The following AHSG variants were observed in gnomAD, a reference collection of about 807,000 sequenced individuals.
AHSG encodes the protein alpha-2-HS-glycoprotein.
Under a neutral mutation model 30.1 loss-of-function variants are expected in AHSG, and 23 were observed. The observed-to-expected ratio is 0.76, with a 90% confidence interval of 0.55 to 1.08. The LOEUF is 1.08. Among genes scored for constraint, AHSG ranks in the 50% least tolerant of loss-of-function variants. AHSG has a pLI of 0.00. For synonymous variants in AHSG, 164 were observed against 186.3 expected, an observed-to-expected ratio of 0.88 and a Z score of 0.98; for missense variants, 469 against 459.5, an observed-to-expected ratio of 1.02 and a Z score of -0.19.
In AHSG at chr3:186,617,221, CTGCCCCCTG is replaced by C; in HGVS notation, c.445_453del (p.Cys149_Leu151del). ...AGGACGTGCGCAAGGTGTGCCAAGA[CTGCCCCCTG>C]CTGGCCCCGCTGAACGACACCAGGG... On this transcript the variant is annotated inframe_deletion, in exon 4 of 7. Coordinates refer to ENST00000411641, the MANE Select transcript of AHSG (RefSeq NM_001622.4). 1 of 1,613,830 alleles carries C rather than the reference CTGCCCCCTG, an allele frequency of 6.2e-7. No homozygotes were observed. The highest frequency in any genetic ancestry group is 8.5e-7 in the Non-Finnish European group (1 of 1,179,976).
chr3:186,614,411 G>T (rs1186082514), intron 1 of AHSG, among the ~76,000 whole-genome samples: 1 of 152,188 alleles, frequency 6.6e-6, no homozygotes, highest in Non-Finnish European at 1.5e-5. Flanking sequence ...GCCCACAAGA[G>T]CTTACAATCT....
Position 186,613,313 on chromosome 3 carries a change from C to CA in AHSG, c.173dup (p.His58GlnfsTer7). On this transcript the variant is annotated frameshift_variant, in exon 1 of 7. Transcript: ENST00000411641. LOFTEE classifies it high-confidence loss of function. Reference sequence around the variant, plus strand: ...TCAAAACCTTCCTTGGGGATACAAACACACCTTGAACCAGATTGATGAAGT... The same window carrying CA: ...TCAAAACCTTCCTTGGGGATACAAACAACACCTTGAACCAGATTGATGAAGT... 1 of 1,614,152 alleles carries CA rather than the reference C, an allele frequency of 6.2e-7. No homozygotes were observed. Among genetic ancestry groups the CA allele is most frequent in the Non-Finnish European group, 8.5e-7 (1 of 1,180,002 alleles).
In AHSG at chr3:186,620,842, CA is replaced by C; in HGVS notation, c.1017del (p.Arg340AlafsTer70). 6 of 1,614,212 alleles carry C rather than the reference CA, an allele frequency of 3.7e-6. No individual in the cohort carries two copies. The highest frequency in any genetic ancestry group is 5.1e-6 in the Non-Finnish European group (6 of 1,180,042). ...GGAGAAGTGTCGCACCCCCGGAAAA[CA>C]CGCACAGTGGTGCAGCCTAGTGTTG... ...PSGEVSHPRK[T>X]RTVVQPSVGA... is the part of the protein sequence containing the mutation. On this transcript the variant is annotated frameshift_variant, in exon 7 of 7. Transcript: ENST00000411641. LOFTEE classifies it low-confidence loss of function (END_TRUNC).
At position 186,618,581 on chromosome 3, in the gene AHSG, G is replaced by A. The variant is rs1716382011; in HGVS notation, c.619G>A (p.Asp207Asn). ...TYVEFTVSGT[D>N]CVAKEATEAA... The stretch of plus-strand genomic sequence containing the variant: ...TGTGGAGTTTACAGTGTCTGGCACT[G>A]ACTGTGTTGCTAAAGAGGCCACAGA... Residue 207 changes from aspartate (D) to asparagine (N), a missense_variant, in exon 5 of 7, where the codon GAC (aspartate) becomes AAC (asparagine). Transcript: ENST00000411641. 1 of 1,613,976 alleles carries A rather than the reference G, an allele frequency of 6.2e-7. No individual in the cohort carries two copies. The highest frequency in any genetic ancestry group is 8.5e-7 in the Non-Finnish European group (1 of 1,179,992).
At chr3:186,613,414 C>A in intron 1 of AHSG, 60 bp downstream of exon 1, 4 of 1,433,756 alleles carry the variant, frequency 2.8e-6, no homozygotes, top group African/African-American at 1.4e-5. Flanking sequence ...AATCAGGTGC[C>A]TCAAAAAATC....
At chr3:186,619,728 C>T in intron 5 of AHSG, 129 bp from the exon 6 acceptor site, 2 of 656,460 alleles carry the variant, frequency 3.0e-6, no homozygotes, top group Middle Eastern at 3.4e-4. Context: ...TCATATACCT[C>T]CCACAAGCAG....
In AHSG at chr3:186,617,291, A is replaced by G. The variant is rs1198869200; in HGVS notation, c.514A>G (p.Asn172Asp). 1.2e-6 allele frequency: 2 copies of G among 1,614,218 alleles called. No homozygotes were observed. The change falls in exon 4 of 7, where the codon AAC becomes GAC. Residue 172 changes from asparagine (N) to aspartate (D), a missense_variant. Physicochemically the swap from Asn to Asp is conservative, Grantham distance 23 (BLOSUM62 1). Transcript: ENST00000411641. ...CGCGAAAGCTGCCCTGGCCGCCTTC[A>G]ACGCTCAGAACAACGGCTCCAATTT... ...HAAKAALAAF[N>D]AQNNGSNFQL...
intron 5 of AHSG, among the ~76,000 whole-genome samples, chr3:186,619,561 T>C (rs555215757): frequency 2.6e-5 from 4 of 152,300 alleles, no homozygotes; most frequent in East Asian, 3.9e-4. Flanking sequence ...ATAGTCACAA[T>C]GATCTCAATT....
rs374405068 is a variant in AHSG at position 186,618,649 on chromosome 3, G to A, written c.675+12G>A. 2.1e-5 allele frequency: 34 copies of A among 1,613,126 alleles called. No homozygotes were observed. Among genetic ancestry groups the A allele is most frequent in the African/African-American group, 8.0e-5 (6 of 74,916 alleles). On this transcript the variant is annotated intron_variant, in intron 5 of 6. Transcript: ENST00000411641. Reference sequence around the variant, plus strand: ...TGCTGGCAGAAAAGGTGAGTGGGCCGGGACCTTGGGGTGTTACCACTCGGA... The same window carrying A: ...TGCTGGCAGAAAAGGTGAGTGGGCCAGGACCTTGGGGTGTTACCACTCGGA...
rs770178913 is a variant in AHSG at position 186,619,922 on chromosome 3, C to A, written c.741C>A (p.Cys247Ter). 6.2e-7 allele frequency: 1 copy of A among 1,612,474 alleles called. No individual in the cohort carries two copies. The highest frequency in any genetic ancestry group is 1.1e-5 in the South Asian group (1 of 90,774). The change falls in exon 6 of 7, where the codon TGC becomes TGA. Residue 247 changes from cysteine (C) to a stop codon, truncating the protein, a stop_gained. Coordinates refer to ENST00000411641, the MANE Select transcript of AHSG (RefSeq NM_001622.4). LOFTEE classifies it low-confidence loss of function (END_TRUNC). ...GTGGGGCAGAGGTTGCAGTGACCTGCATGGTGTTCCAAACACAGGTAACAG... is the reference window on the plus strand; with the variant it reads ...GTGGGGCAGAGGTTGCAGTGACCTGAATGGTGTTCCAAACACAGGTAACAG... The part of the protein sequence containing the change: ...KLGGAEVAVT[C>*]MVFQTQPVSS...
chr3:186,617,401 G>A, intron 4 of AHSG, 51 bp downstream of exon 4: 1 of 1,613,920 alleles, frequency 6.2e-7, no homozygotes, highest in Non-Finnish European at 8.5e-7. Flanking sequence ...GGCACTTCGG[G>A]AATGTACTGT....
intron 1 of AHSG, among the ~76,000 whole-genome samples, 173 bp downstream of exon 1, chr3:186,613,527 T>C (rs1380022342): frequency 6.6e-6 from 1 of 152,060 alleles, no homozygotes; most frequent in African/African-American, 2.4e-5. Flanking sequence ...AGACATTCTG[T>C]ATGGCAGTCA....
intron 3 of AHSG, 70 bp from the exon 4 acceptor site, chr3:186,617,117 T>G: frequency 6.4e-7 from 1 of 1,550,726 alleles, no homozygotes; most frequent in Non-Finnish European, 8.7e-7. Context: ...TAGCCCTTGC[T>G]AACGCAGCAG....
rs776204909 is a variant in AHSG, at chr3:186,616,497, G to A, written c.379G>A (p.Val127Met). Residue 127 changes from valine to methionine, a missense_variant, in exon 3 of 7, where the codon GTG becomes ATG. Physicochemically the swap from Val to Met is conservative, Grantham distance 21. Coordinates refer to ENST00000411641, the MANE Select transcript of AHSG (RefSeq NM_001622.4). ...QLLKLDGKFS[V>M]VYAKCDSSPD... is the part of the protein sequence containing the mutation. The stretch of plus-strand genomic sequence containing the variant: ...GTTGAAACTAGATGGCAAGTTTTCC[G>A]TGGTATACGCAAAATGTGATTCCAG... 4.3e-6 allele frequency: 7 copies of A among 1,612,890 alleles called. No individual in the cohort carries two copies. The highest frequency in any genetic ancestry group is 4.5e-5 in the East Asian group (2 of 44,844).
chr3:186,613,885 G>T (rs577137148), intron 1 of AHSG, among the ~76,000 whole-genome samples: 2 of 151,914 alleles, frequency 1.3e-5, no homozygotes, highest in Admixed American at 1.3e-4. Flanking sequence ...GGAGACCAAG[G>T]CTCTGTTGTG....
intron 1 of AHSG, among the ~76,000 whole-genome samples, chr3:186,614,456 G>A (rs922015256): frequency 6.6e-6 from 1 of 152,188 alleles, no homozygotes; most frequent in Non-Finnish European, 1.5e-5. Flanking sequence ...AGGAAGCCTG[G>A]ACCGACTGAC....
chr3:186,613,324 C>T lies in AHSG; in HGVS notation c.183C>T (p.Asn61=). 6.2e-7 allele frequency: 1 copy of T among 1,613,948 alleles called. No individual in the cohort carries two copies. The highest frequency in any genetic ancestry group is 1.3e-5 in the African/African-American group (1 of 75,036). ...NLPWGYKHTL[N]QIDEVKVWPQ... is the part of the protein sequence containing the mutation. ...CTTGGGGATACAAACACACCTTGAA[C>T]CAGATTGATGAAGTAAAGGTGTGGC... Residue 61 remains asparagine, a synonymous_variant, in exon 1 of 7, where the codon AAC becomes AAT. Transcript: ENST00000411641.
intron 1 of AHSG, among the ~76,000 whole-genome samples, chr3:186,615,358 T>C (rs1397103292): frequency 2.0e-5 from 3 of 152,172 alleles, no homozygotes; most frequent in African/African-American, 4.8e-5. Context: ...TACAAATAAG[T>C]GTTAACACCC....
At chr3:186,614,088 C>A (rs541666134) in intron 1 of AHSG, among the ~76,000 whole-genome samples, 1 of 152,322 alleles carries the variant, frequency 6.6e-6, no homozygotes, top group South Asian at 2.1e-4. Context: ...CCTCCTCACA[C>A]ACTAGACAGG....
Sources: allele counts gnomAD v4.1 joint callset (sites outside exome capture counted in the v4.1 genomes callset), GRCh38; gene constraint gnomAD v4.1.1; transcripts MANE v1.5; gene names NCBI Gene and HGNC (gene_info 2026-07-23, HGNC 2026-07-21).